Variants in GRID2 observed in about 807,000 individuals in gnomAD.
GRID2 encodes glutamate ionotropic receptor delta type subunit 2.
GRID2 carries 33 observed loss-of-function variants against 114.8 expected under a neutral mutation model. The observed-to-expected ratio is 0.29, with a 90% CI of 0.22 to 0.38. The LOEUF is 0.38. Among genes scored for constraint, GRID2 ranks in the 10% least tolerant of loss-of-function variants. GRID2 has a pLI of 1.00. For synonymous variants in GRID2, 505 were observed against 449.9 expected (o/e 1.12, Z -1.55); for missense variants, 1,184 against 1,257.7 (o/e 0.94, Z 0.89).
intron 14 of GRID2, among the ~76,000 whole-genome samples, chr4:93,674,454 T>C (rs769686657): frequency 3.6e-4 from 55 of 152,198 alleles, no homozygotes; most frequent in Non-Finnish European, 3.8e-4. Flanking sequence ...ACTAAATTTG[T>C]GTTTCAGACT....
intron 13 of GRID2, among the ~76,000 whole-genome samples, chr4:93,566,721 G>A (rs1235214897): frequency 6.6e-6 from 1 of 152,020 alleles, no homozygotes; most frequent in East Asian, 1.9e-4. Flanking sequence ...AGTGAGCCAA[G>A]CTTGCCCCTC....
intron 2 of GRID2, among the ~76,000 whole-genome samples, chr4:92,926,845 C>G (rs1749845795): frequency 6.6e-6 from 1 of 151,876 alleles, no homozygotes; most frequent in Non-Finnish European, 1.5e-5. Flanking sequence ...GGAGCAATAA[C>G]TAACTCATTC....
intron 14 of GRID2, among the ~76,000 whole-genome samples, chr4:93,725,676 T>A (rs1225429609): frequency 6.6e-6 from 1 of 150,410 alleles, no homozygotes; most frequent in Non-Finnish European, 1.5e-5. Flanking sequence ...ATCACCATTC[T>A]AACTGGTGTG....
At chr4:93,498,278 C>T (rs190274689) in intron 12 of GRID2, among the ~76,000 whole-genome samples, 14 of 151,832 alleles carry the variant, frequency 9.2e-5, no homozygotes, top group Admixed American at 6.6e-4. Context: ...GTTCTATGTC[C>T]TCACATGACA....
intron 4 of GRID2, among the ~76,000 whole-genome samples, chr4:93,186,362 G>C (rs541434921): frequency 4.6e-4 from 70 of 152,290 alleles, no homozygotes; most frequent in Non-Finnish European, 7.9e-4. Flanking sequence ...CCCACCAATA[G>C]TGTAAAAGCG....
intron 4 of GRID2, among the ~76,000 whole-genome samples, chr4:93,182,378 GT>G (rs1472259743): frequency 6.6e-6 from 1 of 152,002 alleles, no homozygotes; most frequent in East Asian, 1.9e-4. Flanking sequence ...TGATTTTTAT[GT>G]GTGAAAAGAT....
At chr4:93,048,621 C>G (rs920003578) in intron 2 of GRID2, among the ~76,000 whole-genome samples, 1 of 152,034 alleles carries the variant, frequency 6.6e-6, no homozygotes, top group African/African-American at 2.4e-5. Flanking sequence ...AGTAAAGCTG[C>G]AGAAAATGTT....
At chr4:93,634,332 C>T (rs951861886) in intron 14 of GRID2, among the ~76,000 whole-genome samples, 1 of 152,046 alleles carries the variant, frequency 6.6e-6, no homozygotes, top group Non-Finnish European at 1.5e-5. Flanking sequence ...AAACGGCCAT[C>T]ATGTGTTGAA....
At chr4:92,788,378 G>A (rs191389905) in intron 2 of GRID2, among the ~76,000 whole-genome samples, 4 of 151,888 alleles carry the variant, frequency 2.6e-5, no homozygotes, top group African/African-American at 9.7e-5. Flanking sequence ...GGTTTTGATA[G>A]AGAATTGAAA....
At chr4:92,469,632 C>T (rs2149094470) in intron 1 of GRID2, among the ~76,000 whole-genome samples, 1 of 151,230 alleles carries the variant, frequency 6.6e-6, no homozygotes, top group South Asian at 2.1e-4. Context: ...TACAGAAGGC[C>T]GATTGTAACC....
At chr4:92,673,351 A>G (rs2149277827) in intron 2 of GRID2, among the ~76,000 whole-genome samples, 1 of 152,282 alleles carries the variant, frequency 6.6e-6, no homozygotes, top group East Asian at 1.9e-4. Context: ...CATCCACTTC[A>G]TTTCTACATA....
At chr4:92,590,892 A>G (rs1728679829) in intron 2 of GRID2, among the ~76,000 whole-genome samples, 1 of 152,188 alleles carries the variant, frequency 6.6e-6, no homozygotes, top group Non-Finnish European at 1.5e-5. Context: ...TTTTTAATAT[A>G]TTGGAATCAT....
At chr4:92,676,161 C>G (rs911560812) in intron 2 of GRID2, among the ~76,000 whole-genome samples, 11 of 81,176 alleles carry the variant, frequency 1.4e-4, no homozygotes, top group African/African-American at 2.5e-4. Context: ...GTCAAGCCCC[C>G]CCCCCCCCCT....
intron 2 of GRID2, among the ~76,000 whole-genome samples, chr4:92,786,508 G>A (rs989963911): frequency 2.0e-5 from 3 of 151,600 alleles, no homozygotes; most frequent in African/African-American, 7.3e-5. Flanking sequence ...AGGACTCAGG[G>A]ACACATAAAT....
chr4:92,943,785 G>A (rs564411695), intron 2 of GRID2, among the ~76,000 whole-genome samples: 1 of 152,080 alleles, frequency 6.6e-6, no homozygotes, highest in Admixed American at 6.6e-5. Context: ...GTTTGTTAGT[G>A]TTCCTTCTAA....
At chr4:92,590,031 G>A (rs983463283) in intron 1 of GRID2, 100 bp from the exon 2 acceptor site, 2 of 759,212 alleles carry the variant, frequency 2.6e-6, no homozygotes, top group Middle Eastern at 2.4e-4. Context: ...CTAAGTGAAA[G>A]TATATGTTTT....
At chr4:93,209,012 T>C (rs543528904) in intron 5 of GRID2, among the ~76,000 whole-genome samples, 183 of 152,164 alleles carry the variant, frequency 1.2e-3, no homozygotes, top group Non-Finnish European at 2.3e-3. Flanking sequence ...ATTCAGCAAA[T>C]ATTACACAAC....
At chr4:93,695,115 G>A (rs1436938175) in intron 14 of GRID2, among the ~76,000 whole-genome samples, 2 of 150,594 alleles carry the variant, frequency 1.3e-5, no homozygotes, top group Non-Finnish European at 2.9e-5. Flanking sequence ...AAGTCGCAGT[G>A]AGCCGAGATC....
At chr4:93,130,545 G>GA (rs540885821) in intron 4 of GRID2, among the ~76,000 whole-genome samples, 3 of 151,290 alleles carry the variant, frequency 2.0e-5, no homozygotes, top group South Asian at 2.1e-4. Flanking sequence ...AAAAACTAAG[G>GA]AAAAAAAAGA....
Sources: allele counts gnomAD v4.1 joint callset (sites outside exome capture counted in the v4.1 genomes callset), GRCh38; gene constraint gnomAD v4.1.1; transcripts MANE v1.5; gene names NCBI Gene and HGNC (gene_info 2026-07-23, HGNC 2026-07-21).